UBE2E3: variants seen among roughly 807,000 people sequenced by gnomAD.
UBE2E3 encodes the protein ubiquitin-conjugating enzyme E2 E3.
UBE2E3 carries 5 observed loss-of-function variants against 23.6 expected under a neutral mutation model. That is an observed-to-expected ratio of 0.21 (90% CI 0.11 to 0.44). The LOEUF (loss-of-function observed/expected upper bound fraction) is 0.44, where lower values mean the gene tolerates loss of function less well. Ranked by LOEUF, UBE2E3 falls within the 20% of genes least tolerant of loss-of-function variation. The pLI is 0.99. For missense variants in UBE2E3, 81 were observed against 249.8 expected (o/e 0.32, Z 4.55); for synonymous variants, 78 against 87.5 (o/e 0.89, Z 0.60).
intron 3 of UBE2E3, among the ~76,000 whole-genome samples, chr2:181,051,000 A>G (rs1426657392): frequency 6.6e-6 from 1 of 151,802 alleles, no homozygotes; most frequent in Non-Finnish European, 1.5e-5. Context: ...AAATAAAACT[A>G]TATATAGTTG....
At chr2:181,006,322 A>G (rs1438490849) in intron 3 of UBE2E3, among the ~76,000 whole-genome samples, 2 of 152,094 alleles carry the variant, frequency 1.3e-5, no homozygotes, top group African/African-American at 4.8e-5. Context: ...CTTGTTTTAA[A>G]GTAAAGGCAC....
chr2:181,052,927 G>A (rs1396875927), intron 3 of UBE2E3, among the ~76,000 whole-genome samples: 26 of 151,614 alleles, frequency 1.7e-4, no homozygotes, highest in Admixed American at 1.7e-3. Flanking sequence ...CTTCTATCTG[G>A]CTGATTGGTG....
At chr2:181,004,258 C>G (rs568807525) in intron 3 of UBE2E3, among the ~76,000 whole-genome samples, 1 of 152,100 alleles carries the variant, frequency 6.6e-6, no homozygotes, top group Non-Finnish European at 1.5e-5. Flanking sequence ...TGTAGTAGTT[C>G]TAGTTGTAAA....
chr2:181,030,337 G>A (rs562845142), intron 3 of UBE2E3, among the ~76,000 whole-genome samples: 36 of 151,552 alleles, frequency 2.4e-4, no homozygotes, highest in Non-Finnish European at 4.0e-4. Context: ...TTTTTGAGAC[G>A]GAGTCTTGCT....
At chr2:181,004,922 T>C (rs1270855160) in intron 3 of UBE2E3, among the ~76,000 whole-genome samples, 1 of 152,228 alleles carries the variant, frequency 6.6e-6, no homozygotes, top group Non-Finnish European at 1.5e-5. Context: ...GAAGAAAATA[T>C]TTTGGAAGGA....
At chr2:181,024,205 T>G (rs996654049) in intron 3 of UBE2E3, among the ~76,000 whole-genome samples, 1 of 152,180 alleles carries the variant, frequency 6.6e-6, no homozygotes, top group Admixed American at 6.5e-5. Flanking sequence ...TTCATTTGTC[T>G]TCTTCCAAGA....
intron 3 of UBE2E3, among the ~76,000 whole-genome samples, chr2:181,037,737 G>C (rs992712972): frequency 2.0e-5 from 3 of 152,130 alleles, no homozygotes; most frequent in Non-Finnish European, 4.4e-5. Context: ...AGGAGGTTAA[G>C]GGGGGAGGAT....
chr2:181,015,038 T>C (rs1685444728), intron 3 of UBE2E3, among the ~76,000 whole-genome samples: 1 of 152,186 alleles, frequency 6.6e-6, no homozygotes, highest in Non-Finnish European at 1.5e-5. Context: ...CATTAGAGAC[T>C]GAGGTCAATA....
chr2:181,054,049 A>G (rs1239732204), intron 3 of UBE2E3, among the ~76,000 whole-genome samples: 1 of 151,790 alleles, frequency 6.6e-6, no homozygotes, highest in Non-Finnish European at 1.5e-5. Context: ...GCACCGAATA[A>G]TATTTCGTTG....
At chr2:181,027,126 T>C (rs533449092) in intron 3 of UBE2E3, among the ~76,000 whole-genome samples, 1 of 152,072 alleles carries the variant, frequency 6.6e-6, no homozygotes, top group South Asian at 2.1e-4. Flanking sequence ...AGATTGTCTG[T>C]ACCTGTGTTA....
chr2:181,000,336 A>G (rs1456819095), intron 3 of UBE2E3, among the ~76,000 whole-genome samples: 1 of 152,230 alleles, frequency 6.6e-6, no homozygotes, highest in Non-Finnish European at 1.5e-5. Flanking sequence ...AAGATGGATG[A>G]AAATCTTACA....
intron 3 of UBE2E3, among the ~76,000 whole-genome samples, chr2:181,010,835 A>G (rs1306790403): frequency 2.0e-5 from 3 of 147,954 alleles, no homozygotes; most frequent in Admixed American, 6.8e-5. Context: ...TACATTTTGC[A>G]TGGATGTGTT....
intron 3 of UBE2E3, among the ~76,000 whole-genome samples, chr2:181,051,028 C>T (rs549977057): frequency 1.3e-5 from 2 of 151,862 alleles, no homozygotes; most frequent in East Asian, 3.9e-4. Context: ...TTCGTACTTT[C>T]TTCCCAGTCT....
chr2:181,056,417 G>A (rs2105478889), intron 3 of UBE2E3, among the ~76,000 whole-genome samples: 1 of 151,866 alleles, frequency 6.6e-6, no homozygotes, highest in East Asian at 2.0e-4. Context: ...TGCATCTGTT[G>A]AGGGCCTCAG....
At chr2:181,016,832 C>G (rs1207004406) in intron 3 of UBE2E3, among the ~76,000 whole-genome samples, 1 of 152,140 alleles carries the variant, frequency 6.6e-6, no homozygotes, top group African/African-American at 2.4e-5. Flanking sequence ...GTATGAAAGT[C>G]TGAAAAGATA....
At chr2:181,006,783 A>G (rs1685161981) in intron 3 of UBE2E3, among the ~76,000 whole-genome samples, 1 of 152,184 alleles carries the variant, frequency 6.6e-6, no homozygotes, top group Admixed American at 6.5e-5. Flanking sequence ...TGTGTTTTGC[A>G]AATAGTAAAT....
At chr2:181,030,835 C>T (rs1686054210) in intron 3 of UBE2E3, among the ~76,000 whole-genome samples, 1 of 151,742 alleles carries the variant, frequency 6.6e-6, no homozygotes, top group Non-Finnish European at 1.5e-5. Flanking sequence ...TTTTTCATGT[C>T]TGTTATTTCT....
intron 3 of UBE2E3, among the ~76,000 whole-genome samples, chr2:180,998,391 A>G (rs1684893970): frequency 6.6e-6 from 1 of 151,910 alleles, no homozygotes; most frequent in Admixed American, 6.6e-5. Context: ...GGATTCAGGT[A>G]GTAGTGTGAG....
intron 3 of UBE2E3, among the ~76,000 whole-genome samples, chr2:181,023,538 G>T (rs1685774185): frequency 6.6e-6 from 1 of 152,150 alleles, no homozygotes; most frequent in Non-Finnish European, 1.5e-5. Flanking sequence ...GAAGACAGAG[G>T]AATTCGGCCA....
Sources: gnomAD v4.1 joint callset for allele counts (sites outside exome capture counted in the v4.1 genomes callset) on GRCh38, gnomAD v4.1.1 for gene constraint, MANE v1.5 for transcripts, NCBI Gene and HGNC (gene_info 2026-07-23, HGNC 2026-07-21) for gene names.